PDZD2: variants seen among roughly 807,000 people sequenced by gnomAD.
The protein encoded by PDZD2 is PDZ domain containing 2.
A neutral mutation model predicts 220.7 loss-of-function variants in PDZD2; 90 were observed. That is an observed-to-expected ratio of 0.41 (90% confidence interval 0.34 to 0.49). The LOEUF (loss-of-function observed/expected upper bound fraction) is 0.49. Ranked by LOEUF, PDZD2 falls within the 20% of genes least tolerant of loss-of-function variation. The pLI is 0.28. For synonymous variants in PDZD2, 1,375 were observed against 1,450.5 expected (o/e 0.95, Z 1.18); for missense variants, 3,174 against 3,608.5 (o/e 0.88, Z 3.08).
chr5:31,942,383 ATGTG>A (rs10581247), intron 2 of PDZD2, among the ~76,000 whole-genome samples: 13 of 150,650 alleles, frequency 8.6e-5, no homozygotes, highest in Non-Finnish European at 1.2e-4. Context: ...GCTTATGGGC[ATGTG>A]TGTGTGTGTG....
chr5:32,014,052 GTTCT>G (rs1176654069), intron 6 of PDZD2, among the ~76,000 whole-genome samples: 2 of 152,154 alleles, frequency 1.3e-5, no homozygotes, highest in African/African-American at 2.4e-5. Context: ...CTGAAAAAAT[GTTCT>G]TTCTTTTTTA....
chr5:31,733,031 G>A (rs1749630157), intron 1 of PDZD2, among the ~76,000 whole-genome samples: 1 of 152,194 alleles, frequency 6.6e-6, no homozygotes, highest in African/African-American at 2.4e-5. Flanking sequence ...GCCCGGCCGG[G>A]AGCAGCTTTT....
intron 1 of PDZD2, among the ~76,000 whole-genome samples, chr5:31,682,130 C>G (rs1028660624): frequency 6.6e-6 from 1 of 152,074 alleles, no homozygotes; most frequent in African/African-American, 2.4e-5. Flanking sequence ...AAACTAGAGG[C>G]GAGAGCGAGG....
intron 1 of PDZD2, among the ~76,000 whole-genome samples, chr5:31,768,804 G>A (rs1041948264): frequency 1.3e-5 from 2 of 152,154 alleles, no homozygotes; most frequent in Non-Finnish European, 2.9e-5. Flanking sequence ...CAGGGACAGC[G>A]GTGGAGGGGT....
At chr5:32,023,804 T>C (rs1754410308) in intron 6 of PDZD2, among the ~76,000 whole-genome samples, 1 of 152,190 alleles carries the variant, frequency 6.6e-6, no homozygotes, top group African/African-American at 2.4e-5. Flanking sequence ...TATCCAGAGT[T>C]TTGCTTCCTG....
At position 31,951,200 on chromosome 5, in the gene PDZD2, C is replaced by T. The variant is rs144106434; in HGVS notation, c.477-31955C>T. Among the ~76,000 whole-genome samples the T allele has an allele frequency of 5.8e-3, 876 of 152,192 alleles. 8 individuals are homozygous for T. The highest frequency in any genetic ancestry group is 0.02 in the African/African-American group (821 of 41,522). ...TCCCACCCACAGCCTCCCTGGTAGC[C>T]GGGATTACACGTGTACAGCACCACA... is the stretch of plus-strand genomic sequence containing the variant. On this transcript the variant is annotated intron_variant, in intron 2 of 24. Transcript: ENST00000438447.
rs751243268 is a variant in PDZD2 at position 32,088,286 on chromosome 5, G to A, written c.4838G>A (p.Ser1613Asn). 3 of 1,614,118 alleles carry A rather than the reference G, an allele frequency of 1.9e-6. No individual in the cohort carries two copies. The highest frequency in any genetic ancestry group is 3.3e-5 in the Admixed American group (2 of 60,012). The part of the protein sequence containing the change: ...STRGCPNPPS[S>N]PAHLPTQAAI... ...CGTGGCTGCCCCAATCCACCCTCGA[G>A]TCCTGCTCATCTTCCCACCCAGGCT... Residue 1613 changes from serine to asparagine, a missense_variant, in exon 20 of 25, where the codon AGT (serine) becomes AAT (asparagine). Ser to Asn is a conservative substitution (Grantham distance 46, BLOSUM62 1). Coordinates refer to ENST00000438447, the MANE Select transcript of PDZD2 (RefSeq NM_178140.4). The surrounding 1 kb of genome is among the most constrained non-coding windows in gnomAD (Gnocchi z 4.6).
intron 2 of PDZD2, among the ~76,000 whole-genome samples, chr5:31,804,443 A>C (rs1276009354): frequency 5.3e-5 from 8 of 152,188 alleles, no homozygotes; most frequent in Admixed American, 5.2e-4. Context: ...AAGAAGTACC[A>C]TTTATTGAGC....
chr5:32,100,848 G>T, intron 23 of PDZD2: 1 of 1,516,424 alleles, frequency 6.6e-7, no homozygotes, highest in South Asian at 1.1e-5. Context: ...AAAAGCATTT[G>T]CCAATGCTTG....
intron 2 of PDZD2, among the ~76,000 whole-genome samples, chr5:31,858,701 A>ATCCC (rs962097002): frequency 6.6e-6 from 1 of 151,164 alleles, no homozygotes; most frequent in Non-Finnish European, 1.5e-5. Flanking sequence ...TCCTTCCTTC[A>ATCCC]TCCCTCCCTC....
rs1554073487 is a variant in PDZD2 at position 31,776,626 on chromosome 5, T to TTTTTTTTATTTATTTA, written c.-360-22260_-360-22259insTTTTATTTATTTATTT. On this transcript the variant is annotated intron_variant, in intron 1 of 24. Transcript: ENST00000438447. ...CCACCACGCCTGGCCTTATTTTTTA[T>TTTTTTTTATTTATTTA]TTTATTTATTTATTTATTTATTTAT... Among the ~76,000 whole-genome samples the TTTTTTTTATTTATTTA allele has an allele frequency of 5.0e-5, 7 of 141,116 alleles. No homozygotes were observed. The South Asian group carries it at 1.4e-3, about 29-fold the overall frequency. The allele number at this position is 141,116 out of a possible 152,430, so 92.6% of individuals were successfully genotyped here. A position where few individuals can be genotyped will look rare whatever the true frequency, so the allele number is the denominator to read the frequency against.
chr5:31,897,249 G>GGAGTATGGGGCACCA (rs1561551592), intron 2 of PDZD2, among the ~76,000 whole-genome samples: 5 of 152,186 alleles, frequency 3.3e-5, no homozygotes, highest in African/African-American at 1.2e-4. Context: ...GAGTATGTCA[G>GGAGTATGGGGCACCA]GCTGATGGGG....
At chr5:31,800,679 C>T (rs1281765392) in intron 2 of PDZD2, among the ~76,000 whole-genome samples, 2 of 152,210 alleles carry the variant, frequency 1.3e-5, no homozygotes, top group African/African-American at 2.4e-5. Context: ...CAATACCCCA[C>T]CCCTGGTGAG....
At chr5:31,668,612 G>T (rs542374946) in intron 1 of PDZD2, among the ~76,000 whole-genome samples, 2 of 152,304 alleles carry the variant, frequency 1.3e-5, no homozygotes, top group South Asian at 2.1e-4. Flanking sequence ...GTCATAAACG[G>T]ATAGTAATAA....
Position 31,849,917 on chromosome 5 carries a change from TACATATATATATATACAC to T in PDZD2, c.476+50195_476+50212del. Among the ~76,000 whole-genome samples, 5 of 22,366 alleles carry T rather than the reference TACATATATATATATACAC, an allele frequency of 2.2e-4. 2 individuals carry two copies. Among genetic ancestry groups the T allele is most frequent in the African/African-American group, 1.2e-3 (5 of 4,068 alleles). The allele number at this position is 22,366 out of a possible 152,430, so 14.7% of individuals were successfully genotyped here. A position where few individuals can be genotyped will look rare whatever the true frequency, so the allele number is the denominator to read the frequency against. ...ATATATATATATACATATATATATA[TACATATATATATATACAC>T]ATATATATATATACATATATATATA... On this transcript the variant is annotated intron_variant, in intron 2 of 24. Coordinates refer to ENST00000438447, the MANE Select transcript of PDZD2 (RefSeq NM_178140.4).
intron 2 of PDZD2, among the ~76,000 whole-genome samples, chr5:31,800,912 ACT>A (rs1264488603): frequency 1.3e-5 from 2 of 152,098 alleles, no homozygotes; most frequent in East Asian, 1.9e-4. Context: ...ACCCAAGGAG[ACT>A]CTGCAAGGAG....
chr5:31,750,692 G>C (rs956949336), intron 1 of PDZD2, among the ~76,000 whole-genome samples: 15 of 152,256 alleles, frequency 9.9e-5, no homozygotes, highest in African/African-American at 3.6e-4. Context: ...AAGGGCCTGA[G>C]GCAGGGGCAC....
At chr5:31,868,761 G>A (rs1267666974) in intron 2 of PDZD2, among the ~76,000 whole-genome samples, 2 of 152,048 alleles carry the variant, frequency 1.3e-5, no homozygotes, top group Middle Eastern at 3.2e-3. Flanking sequence ...TGAGGCTTGC[G>A]TTAAAGGTGA....
intron 2 of PDZD2, among the ~76,000 whole-genome samples, chr5:31,940,739 C>A (rs1444087407): frequency 6.6e-6 from 1 of 152,164 alleles, no homozygotes; most frequent in Non-Finnish European, 1.5e-5. Context: ...GAAGGTGAAT[C>A]TGAGGAAGGC....
Sources: gnomAD v4.1 joint callset for allele counts (sites outside exome capture counted in the v4.1 genomes callset) on GRCh38, gnomAD v4.1.1 for gene constraint, Gnocchi (gnomAD v3.1) non-coding constraint, MANE v1.5 for transcripts, NCBI Gene and HGNC (gene_info 2026-07-23, HGNC 2026-07-21) for gene names.